The following ZNF254 variants were observed in gnomAD, a reference collection of about 807,000 sequenced individuals.
ZNF254 encodes CTD-2017D11.1.
In ZNF254, 10 loss-of-function variants were observed where a neutral mutation model predicts 12.4. The ratio of observed to expected loss-of-function variants is 0.80; its 90% CI spans 0.50 to 1.36. ZNF254 has a LOEUF of 1.36. Ranked by LOEUF, ZNF254 falls within the 40% of genes most tolerant of loss-of-function variation. The pLI is 0.00. For missense variants in ZNF254, 996 were observed against 763.9 expected, an observed-to-expected ratio of 1.30 and a Z score of -3.58; for synonymous variants, 305 against 253.4, an observed-to-expected ratio of 1.20 and a Z score of -1.93.
exon 2 of ZNF254, chr19:24,046,207 C>G (rs1437421459): frequency 1.3e-5 from 2 of 151,768 alleles, no homozygotes; most frequent in African/African-American, 2.4e-5. Context: ...TAAGCTGGAC[C>G]TGGTGACCTT....
intron 3 of ZNF254, among the ~76,000 whole-genome samples, chr19:24,112,773 A>G (rs1973769499): frequency 1.3e-5 from 2 of 152,216 alleles, no homozygotes; most frequent in Admixed American, 1.3e-4. Flanking sequence ...CAAAATTGAT[A>G]GACCACTAGC....
At chr19:24,088,353 T>C (rs952505087) in intron 1 of ZNF254, among the ~76,000 whole-genome samples, 43 of 152,164 alleles carry the variant, frequency 2.8e-4, no homozygotes, top group African/African-American at 1.0e-3. Flanking sequence ...TAGATTTTTT[T>C]TTTAGAAGTA....
intron 2 of ZNF254, among the ~76,000 whole-genome samples, chr19:24,051,276 G>T (rs55880166): frequency 6.6e-6 from 1 of 152,092 alleles, no homozygotes; most frequent in African/African-American, 2.4e-5. Context: ...ACCTGCCTCA[G>T]CCTCCTGAGT....
intron 1 of ZNF254, among the ~76,000 whole-genome samples, chr19:24,101,432 C>T (rs984873438): frequency 3.3e-5 from 5 of 152,020 alleles, no homozygotes; most frequent in African/African-American, 1.2e-4. Flanking sequence ...GACCTTTTCA[C>T]ATCTTGTGTT....
chr19:24,123,319 G>T (rs1390418628), intron 3 of ZNF254, among the ~76,000 whole-genome samples: 1 of 151,924 alleles, frequency 6.6e-6, no homozygotes, highest in Non-Finnish European at 1.5e-5. Context: ...CTTCCTTTTT[G>T]GCTTAAGATG....
rs528069110 is a variant in ZNF254, at chr19:24,052,671, C to T, written c.-94+6392C>T. Among the ~76,000 whole-genome samples, 3 of 152,272 alleles carry T rather than the reference C, an allele frequency of 2.0e-5. No homozygotes were observed. The South Asian group carries it at 6.2e-4, about 32-fold the overall frequency. ...GAGGAGATTGTAACGTATCCCTAAT[C>T]GAGCACCCAGGTGGTGTGACACTTC... On this transcript the variant is annotated intron_variant, in intron 2 of 4. Coordinates refer to the ZNF254 transcript ENST00000613065.
At chr19:24,059,428 G>A (rs1970987500) in intron 2 of ZNF254, among the ~76,000 whole-genome samples, 2 of 152,132 alleles carry the variant, frequency 1.3e-5, no homozygotes, top group African/African-American at 4.8e-5. Context: ...GCTTGGCCTA[G>A]CCCCTAAGTT....
At chr19:24,063,342 C>T (rs892721129) in intron 2 of ZNF254, among the ~76,000 whole-genome samples, 2 of 152,192 alleles carry the variant, frequency 1.3e-5, no homozygotes, top group African/African-American at 4.8e-5. Flanking sequence ...AGTGCCATAT[C>T]ACCGGGCCCA....
chr19:24,118,971 C>T (rs1235907827), intron 3 of ZNF254, among the ~76,000 whole-genome samples: 4 of 151,616 alleles, frequency 2.6e-5, no homozygotes, highest in Non-Finnish European at 5.9e-5. Context: ...ATTAGCCAGG[C>T]GTGGTGGTGG....
At chr19:24,080,763 CAG>C (rs1491212384) in intron 2 of ZNF254, 1 of 127,652 alleles carries the variant, frequency 7.8e-6, no homozygotes, top group Non-Finnish European at 1.6e-5. Flanking sequence ...GCCTGGGAAA[CAG>C]AGACTCCGTC....
upstream of ZNF254, among the ~76,000 whole-genome samples, chr19:24,082,463 G>GTA (rs1424212665): frequency 5.0e-4 from 36 of 71,852 alleles, no homozygotes; most frequent in Middle Eastern, 7.9e-3. Flanking sequence ...TGGCTAACAC[G>GTA]GTGCAACCCC....
chr19:24,117,402 G>A (rs959282869), intron 3 of ZNF254, among the ~76,000 whole-genome samples: 1 of 152,142 alleles, frequency 6.6e-6, no homozygotes, highest in South Asian at 2.1e-4. Context: ...GCAATGGCGG[G>A]TGCCCCTCCC....
At chr19:24,045,247 C>T (rs1460403203) in intron 1 of ZNF254, among the ~76,000 whole-genome samples, 1 of 152,186 alleles carries the variant, frequency 6.6e-6, no homozygotes, top group Non-Finnish European at 1.5e-5. Context: ...GTTTAAGCCC[C>T]TGCACCTGGA....
chr19:24,080,989 T>G (rs886839936), intron 2 of ZNF254, among the ~76,000 whole-genome samples: 20 of 146,430 alleles, frequency 1.4e-4, no homozygotes, highest in Admixed American at 5.5e-4. Context: ...AGGCAAGAGA[T>G]TCACATAAAC....
At position 24,071,807 on chromosome 19, in the gene ZNF254, C is replaced by T. The variant is rs566660585; in HGVS notation, c.-94+25528C>T. ...TCCTCTGCTTCTACAGGGTTCAGGA[C>T]GGAAAGGAGAGTTACATCACTTAGG... On this transcript the variant is annotated intron_variant, in intron 2 of 4. Transcript: ENST00000613065. Among the ~76,000 whole-genome samples the T allele has an allele frequency of 5.3e-5, 8 of 152,152 alleles. No individual in the cohort carries two copies. The South Asian group carries it at 6.2e-4, about 12-fold the overall frequency.
chr19:24,121,106 T>G (rs1012683795), intron 3 of ZNF254, among the ~76,000 whole-genome samples: 2 of 152,134 alleles, frequency 1.3e-5, no homozygotes, highest in African/African-American at 4.8e-5. Flanking sequence ...ATTTTGGAGA[T>G]TTTTAGTTTT....
chr19:24,088,543 C>A (rs568438679), intron 1 of ZNF254, among the ~76,000 whole-genome samples: 1 of 152,236 alleles, frequency 6.6e-6, no homozygotes, highest in South Asian at 2.1e-4. Flanking sequence ...ACTAAATTTC[C>A]CGTTTTGTCT....
At chr19:24,087,881 G>T (rs1327679895) in intron 1 of ZNF254, among the ~76,000 whole-genome samples, 1 of 150,836 alleles carries the variant, frequency 6.6e-6, no homozygotes, top group African/African-American at 2.4e-5. Flanking sequence ...TCAATAATTG[G>T]CTAGGTACAG....
chr19:24,042,069 AC>A (rs1346709108), intron 1 of ZNF254, among the ~76,000 whole-genome samples: 1 of 135,678 alleles, frequency 7.4e-6, no homozygotes, highest in African/African-American at 2.8e-5. Context: ...GATTGTAAAT[AC>A]ACCAATCGGC....
Sources: gnomAD v4.1 joint callset for allele counts (sites outside exome capture counted in the v4.1 genomes callset) on GRCh38, gnomAD v4.1.1 for gene constraint, MANE v1.5 for transcripts, NCBI Gene and HGNC (gene_info 2026-07-23, HGNC 2026-07-21) for gene names.